The following NR2C2 variants were observed in gnomAD, a reference collection of about 807,000 sequenced individuals.
NR2C2 encodes nuclear receptor subfamily 2 group C member 2, also known as Nuclear hormone receptor TR4.
A neutral mutation model predicts 62.9 loss-of-function variants in NR2C2; 6 were observed. The ratio of observed to expected loss-of-function variants is 0.10; its 90% CI spans 0.05 to 0.19. The LOEUF (loss-of-function observed/expected upper bound fraction) is 0.19, where lower values mean the gene tolerates loss of function less well. Ranked by LOEUF, NR2C2 falls within the 10% of genes least tolerant of loss-of-function variation. The pLI is 1.00. For missense variants in NR2C2, 479 were observed against 762.7 expected, an observed-to-expected ratio of 0.63 and a Z score of 4.38; for synonymous variants, 272 against 273.8, an observed-to-expected ratio of 0.99 and a Z score of 0.07.
chr3:15,034,616 A>G (rs755579925), intron 10 of NR2C2, 54 bp from the exon 11 acceptor site: 7 of 1,588,302 alleles, frequency 4.4e-6, no homozygotes, highest in Admixed American at 3.4e-5. Context: ...ATGCCCCACA[A>G]CCTTGGAGAA....
chr3:15,042,641 T>G, intron 13 of NR2C2, 193 bp from the exon 14 acceptor site: 2 of 563,520 alleles, frequency 3.5e-6, no homozygotes, highest in Admixed American at 3.1e-5. Flanking sequence ...ACATACATTT[T>G]GTACTCATTT....
chr3:15,019,374 A>G (rs2041607464), intron 4 of NR2C2, among the ~76,000 whole-genome samples: 2 of 152,226 alleles, frequency 1.3e-5, no homozygotes, highest in Non-Finnish European at 2.9e-5. Flanking sequence ...TCTTCAAAAA[A>G]TTAAAAATAG....
At chr3:14,988,731 C>T (rs1246749880) in intron 1 of NR2C2, among the ~76,000 whole-genome samples, 1 of 151,862 alleles carries the variant, frequency 6.6e-6, no homozygotes, top group Non-Finnish European at 1.5e-5. Flanking sequence ...TTTTTTTCCC[C>T]TCTTGATTAA....
chr3:14,968,731 A>C (rs1437071451), intron 1 of NR2C2, among the ~76,000 whole-genome samples: 2 of 141,858 alleles, frequency 1.4e-5, no homozygotes, highest in African/African-American at 5.7e-5. Flanking sequence ...ACTTGGACCC[A>C]ACCCAAATGT....
chr3:15,042,552 T>TTGA, intron 13 of NR2C2: 1 of 318,530 alleles, frequency 3.1e-6, no homozygotes, highest in Middle Eastern at 8.6e-4. Context: ...CTGTCCTCTG[T>TTGA]TGATGAATTT....
At chr3:15,035,737 A>G (rs2042086528) in intron 11 of NR2C2, among the ~76,000 whole-genome samples, 1 of 152,240 alleles carries the variant, frequency 6.6e-6, no homozygotes, top group Admixed American at 6.5e-5. Flanking sequence ...TAAAAATACA[A>G]AACAGGAGGC....
intron 9 of NR2C2, 59 bp from the exon 10 acceptor site, chr3:15,032,320 G>T (rs2042000828): frequency 6.2e-7 from 1 of 1,612,096 alleles, no homozygotes; most frequent in South Asian, 1.1e-5. Context: ...CATGTTGACA[G>T]ACAAAGCCAT....
At chr3:14,993,291 T>TA (rs1325490346) in intron 1 of NR2C2, among the ~76,000 whole-genome samples, 1 of 151,804 alleles carries the variant, frequency 6.6e-6, no homozygotes, top group African/African-American at 2.4e-5. Flanking sequence ...CCGTCTCTAC[T>TA]AAAAATACAA....
chr3:15,003,958 C>G lies in NR2C2; in HGVS notation c.44C>G (p.Ser15Cys). 1 of 1,613,596 alleles carries G rather than the reference C, an allele frequency of 6.2e-7. No individual in the cohort carries two copies. Among genetic ancestry groups the G allele is most frequent in the Non-Finnish European group, 8.5e-7 (1 of 1,179,742 alleles). The change falls in exon 2 of 14, where the codon TCT (serine) becomes TGT (cysteine). Residue 15 changes from serine (S) to cysteine (C), a missense_variant. Ser to Cys is a moderately radical substitution (Grantham distance 112). Around this residue, in one of 4 missense-constraint regions of NR2C2, gnomAD observed 115 missense variants for 152.3 expected, o/e 0.76. Transcript: ENST00000425241. ...CGCATCCAGATAATCTCCACCGACT[C>G]TGCTGTAGCCTCACCTCAGCGCATT... ...SPRIQIISTD[S>C]AVASPQRIQI...
chr3:14,965,610 T>G (rs1273168992), intron 1 of NR2C2, among the ~76,000 whole-genome samples: 1 of 150,696 alleles, frequency 6.6e-6, no homozygotes, highest in Non-Finnish European at 1.5e-5. Context: ...GCAATCCTCC[T>G]GTTTAAAATA....
intron 1 of NR2C2, among the ~76,000 whole-genome samples, chr3:14,998,383 C>T (rs2040892001): frequency 6.6e-6 from 1 of 152,164 alleles, no homozygotes; most frequent in South Asian, 2.1e-4. Flanking sequence ...ACATTACTAC[C>T]AGCAATGTAT....
chr3:15,011,715 A>G (rs780598507), intron 2 of NR2C2, among the ~76,000 whole-genome samples: 1 of 152,146 alleles, frequency 6.6e-6, no homozygotes, highest in Non-Finnish European at 1.5e-5. Flanking sequence ...TCAGCTGAGT[A>G]TTCATTCTTG....
At chr3:14,996,937 T>A (rs1335649690) in intron 1 of NR2C2, among the ~76,000 whole-genome samples, 1 of 152,186 alleles carries the variant, frequency 6.6e-6, no homozygotes, top group Non-Finnish European at 1.5e-5. Flanking sequence ...AGCCTGTGGG[T>A]ACTCCAATAA....
chr3:15,002,645 C>CTTT (rs371981775), intron 1 of NR2C2, among the ~76,000 whole-genome samples: 431 of 39,506 alleles, frequency 0.011, 113 homozygotes, highest in East Asian at 0.023. Context: ...TCACAATATA[C>CTTT]TTTTTTTTTT....
intron 1 of NR2C2, among the ~76,000 whole-genome samples, chr3:14,956,069 G>A (rs553085824): frequency 1.1e-4 from 16 of 152,228 alleles, no homozygotes; most frequent in East Asian, 7.7e-4. Context: ...TGACCCTAAA[G>A]CTAAGTAAAC....
intron 2 of NR2C2, among the ~76,000 whole-genome samples, chr3:15,011,111 G>T (rs1361250666): frequency 6.6e-6 from 1 of 152,168 alleles, no homozygotes; most frequent in African/African-American, 2.4e-5. Context: ...AAGGCGGCAG[G>T]ATCACTTGAG....
chr3:15,037,711 A>G (rs1229520421), intron 11 of NR2C2, among the ~76,000 whole-genome samples: 1 of 152,230 alleles, frequency 6.6e-6, no homozygotes, highest in Non-Finnish European at 1.5e-5. Context: ...GGTACACAAT[A>G]AAAGAAATTC....
intron 9 of NR2C2, among the ~76,000 whole-genome samples, chr3:15,030,875 C>G (rs1386702000): frequency 6.6e-6 from 1 of 152,134 alleles, no homozygotes; most frequent in Non-Finnish European, 1.5e-5. Context: ...AGCTCATCTT[C>G]AATCTGGTAT....
intron 10 of NR2C2, among the ~76,000 whole-genome samples, chr3:15,032,750 T>TACACCAA: frequency 6.6e-6 from 1 of 151,968 alleles, no homozygotes; most frequent in African/African-American, 2.4e-5. Context: ...GAGCTGGGGA[T>TACACCAA]GGAGAAGAAT....
Sources: allele counts gnomAD v4.1 joint callset (sites outside exome capture counted in the v4.1 genomes callset), GRCh38; gene constraint gnomAD v4.1.1; regional missense constraint gnomAD v4.1.1; transcripts MANE v1.5; gene names NCBI Gene and HGNC (gene_info 2026-07-23, HGNC 2026-07-21).